GRIP1: variants seen among roughly 807,000 people sequenced by gnomAD.
GRIP1 encodes glutamate receptor-interacting protein 1.
A neutral mutation model predicts 129.9 loss-of-function variants in GRIP1; 45 were observed. The ratio of observed to expected loss-of-function variants is 0.35; its 90% confidence interval spans 0.27 to 0.44. GRIP1 has a LOEUF of 0.44. Ranked by LOEUF, GRIP1 falls within the 20% of genes least tolerant of loss-of-function variation. GRIP1 has a pLI of 1.00. For synonymous variants in GRIP1, 530 were observed against 520.8 expected (o/e 1.02, Z -0.24); for missense variants, 1,196 against 1,396.8 (o/e 0.86, Z 2.29).
intron 1 of GRIP1, among the ~76,000 whole-genome samples, chr12:67,023,238 G>C (rs940213364): frequency 3.3e-5 from 5 of 152,082 alleles, no homozygotes. Flanking sequence ...CTCTAGTTTT[G>C]TTACAGAATT....
intron 1 of GRIP1, among the ~76,000 whole-genome samples, chr12:67,009,933 G>A (rs1461608591): frequency 6.6e-6 from 1 of 152,050 alleles, no homozygotes; most frequent in Non-Finnish European, 1.5e-5. Flanking sequence ...CTTCTCTTTT[G>A]ACTTTCAAAT....
intron 1 of GRIP1, among the ~76,000 whole-genome samples, chr12:66,938,781 A>G (rs181109724): frequency 2.6e-4 from 40 of 152,082 alleles, no homozygotes; most frequent in African/African-American, 8.2e-4. Context: ...ACATGGTGAA[A>G]CCCCATCTCC....
At chr12:66,937,599 G>T (rs754127979) in intron 1 of GRIP1, among the ~76,000 whole-genome samples, 2 of 152,152 alleles carry the variant, frequency 1.3e-5, no homozygotes, top group African/African-American at 2.4e-5. Flanking sequence ...GAAAGGGTGT[G>T]AGAATAGATG....
intron 1 of GRIP1, among the ~76,000 whole-genome samples, chr12:66,746,762 G>C (rs1592802977): frequency 6.6e-6 from 1 of 152,318 alleles, no homozygotes; most frequent in South Asian, 2.1e-4. Context: ...AGGTGTGAAA[G>C]GTTGATTGGA....
At chr12:66,546,455 A>T (rs1339311207) in intron 2 of GRIP1, among the ~76,000 whole-genome samples, 1 of 152,008 alleles carries the variant, frequency 6.6e-6, no homozygotes, top group Non-Finnish European at 1.5e-5. Context: ...ATGCCATTGC[A>T]CTCCAGTCTG....
chr12:66,943,190 T>C (rs569709612), intron 1 of GRIP1, among the ~76,000 whole-genome samples: 3 of 152,346 alleles, frequency 2.0e-5, no homozygotes, highest in African/African-American at 7.2e-5. Flanking sequence ...TGAATTTTTC[T>C]GGTTAACTCC....
At chr12:66,391,996 G>A (rs928468576) in intron 19 of GRIP1, among the ~76,000 whole-genome samples, 1 of 152,100 alleles carries the variant, frequency 6.6e-6, no homozygotes, top group African/African-American at 2.4e-5. Flanking sequence ...TGTATTGAAC[G>A]AGCCACTTTA....
At chr12:66,465,942 A>G (rs1047005820) in intron 7 of GRIP1, among the ~76,000 whole-genome samples, 1 of 152,318 alleles carries the variant, frequency 6.6e-6, no homozygotes, top group Admixed American at 6.5e-5. Flanking sequence ...GGATAAATAA[A>G]AGAATGACAA....
chr12:66,896,595 A>T (rs1423640956), intron 1 of GRIP1, among the ~76,000 whole-genome samples: 2 of 151,820 alleles, frequency 1.3e-5, no homozygotes, highest in African/African-American at 4.8e-5. Context: ...GTCATCTGTG[A>T]TATGCTTTTG....
chr12:66,639,016 G>A (rs1282995389), intron 1 of GRIP1, among the ~76,000 whole-genome samples: 1 of 152,178 alleles, frequency 6.6e-6, no homozygotes, highest in African/African-American at 2.4e-5. Context: ...AAATCTAATT[G>A]CAGTTTAATA....
At chr12:66,459,209 C>T (rs1390672610) in intron 9 of GRIP1, among the ~76,000 whole-genome samples, 13 of 152,158 alleles carry the variant, frequency 8.5e-5, no homozygotes, top group Non-Finnish European at 1.9e-4. Flanking sequence ...ACGGGAATAT[C>T]AGCCAGAGTG....
intron 1 of GRIP1, among the ~76,000 whole-genome samples, chr12:67,039,457 T>C (rs1265277272): frequency 6.6e-6 from 1 of 152,188 alleles, no homozygotes; most frequent in Non-Finnish European, 1.5e-5. Context: ...ACACAGTCAG[T>C]AGGAATTTTG....
intron 1 of GRIP1, among the ~76,000 whole-genome samples, chr12:66,663,938 C>T (rs2033654406): frequency 6.6e-6 from 1 of 152,088 alleles, no homozygotes; most frequent in African/African-American, 2.4e-5. Flanking sequence ...GAATGCTTTC[C>T]AAAAATCTGG....
At chr12:66,409,563 A>T (rs1766186710) in intron 15 of GRIP1, among the ~76,000 whole-genome samples, 1 of 150,274 alleles carries the variant, frequency 6.7e-6, no homozygotes, top group South Asian at 2.1e-4. Flanking sequence ...CCTTCCCAAG[A>T]AGGACAGGTA....
rs2054094832 is a variant in GRIP1, at chr12:66,348,878, TGA to T, written c.*139_*140del. On this transcript the variant is annotated 3_prime_UTR_variant, in exon 25 of 25. Coordinates refer to ENST00000359742, the MANE Select transcript of GRIP1 (RefSeq NM_001366722.1). ...TGAAAAGGGAAGTGAACATGAGCCA[TGA>T]GAGAGATTTAAAAGACCCCTGTGCT... 1 of 750,398 alleles carries T rather than the reference TGA, an allele frequency of 1.3e-6. No individual in the cohort carries two copies. 46.5% of individuals were successfully genotyped at this position (750,398 alleles called of 1,614,324 possible).
intron 7 of GRIP1, 73 bp from the exon 8 acceptor site, chr12:66,465,495 G>T (rs2059262057): frequency 5.9e-6 from 7 of 1,187,532 alleles, no homozygotes; most frequent in Non-Finnish European, 8.7e-6. Flanking sequence ...AAGAGATGAA[G>T]AATATTCAGT....
intron 1 of GRIP1, among the ~76,000 whole-genome samples, chr12:66,940,860 G>A (rs2041573044): frequency 6.6e-6 from 1 of 152,040 alleles, no homozygotes; most frequent in Non-Finnish European, 1.5e-5. Flanking sequence ...CACAGGGTGT[G>A]TTTTCAACAG....
chr12:66,595,835 AC>A (rs2064028529), intron 2 of GRIP1, among the ~76,000 whole-genome samples: 1 of 152,180 alleles, frequency 6.6e-6, no homozygotes, highest in Non-Finnish European at 1.5e-5. Flanking sequence ...AGTGAAAATA[AC>A]CACCTGAAAT....
intron 1 of GRIP1, among the ~76,000 whole-genome samples, chr12:66,972,526 A>T (rs2042089234): frequency 6.6e-6 from 1 of 152,186 alleles, no homozygotes; most frequent in Non-Finnish European, 1.5e-5. Flanking sequence ...TGGAAAGCTG[A>T]ATTTTTTATT....
Sources: gnomAD v4.1 joint callset for allele counts (sites outside exome capture counted in the v4.1 genomes callset) on GRCh38, gnomAD v4.1.1 for gene constraint, MANE v1.5 for transcripts, NCBI Gene and HGNC (gene_info 2026-07-23, HGNC 2026-07-21) for gene names.